Variants in SECISBP2L observed in about 807,000 individuals in gnomAD.
The protein encoded by SECISBP2L is selenocysteine insertion sequence-binding protein 2-like.
SECISBP2L carries 43 observed loss-of-function variants against 114.7 expected under a neutral mutation model. That is an observed-to-expected ratio of 0.38 (90% CI 0.29 to 0.48). SECISBP2L has a LOEUF of 0.48. SECISBP2L is among the 20% of genes least tolerant of loss of function. The probability of loss-of-function intolerance (pLI) is 0.98; values close to 1 mark genes in which losing one functional copy is unlikely to be tolerated. For synonymous variants in SECISBP2L, 451 were observed against 439.7 expected (o/e 1.03, Z -0.32); for missense variants, 1,136 against 1,301.1 (o/e 0.87, Z 1.95).
chr15:49,045,532 T>A (rs1471570508), intron 1 of SECISBP2L, among the ~76,000 whole-genome samples: 2 of 152,202 alleles, frequency 1.3e-5, no homozygotes, highest in South Asian at 2.1e-4. Flanking sequence ...CTTTTAACAC[T>A]GTTATCATCC....
chr15:49,021,021 C>T (rs578157968), intron 7 of SECISBP2L, among the ~76,000 whole-genome samples: 104 of 152,164 alleles, frequency 6.8e-4, no homozygotes, highest in African/African-American at 2.2e-3. Context: ...AATCCCAATA[C>T]GCCCTCCGCC....
rs376474360 is a variant in SECISBP2L at position 49,001,146 on chromosome 15, A to G, written c.2028-49T>C. ...TAACTCCATCCTAATTTTTTTCCCT[A>G]TAGTTATAAAACTGCATTAAGAAAA... On this transcript the variant is annotated intron_variant, in intron 14 of 17. Transcript: ENST00000559471. The G allele has an allele frequency of 7.4e-4, 932 of 1,262,120 alleles. 1 individual carries two copies. The highest frequency in any genetic ancestry group is 9.7e-4 in the Non-Finnish European group (877 of 906,130). The allele number at this position is 1,262,120 out of a possible 1,614,324, so 78.2% of individuals were successfully genotyped here.
intron 14 of SECISBP2L, 84 bp from the exon 15 acceptor site, chr15:49,001,181 G>A (rs2141062265): frequency 1.2e-6 from 1 of 830,758 alleles, no homozygotes; most frequent in Non-Finnish European, 1.8e-6. Flanking sequence ...ATATCTCTAA[G>A]AGAAAATATA....
intron 14 of SECISBP2L, among the ~76,000 whole-genome samples, chr15:49,001,395 A>T (rs1902205391): frequency 6.6e-6 from 1 of 152,084 alleles, no homozygotes; most frequent in Non-Finnish European, 1.5e-5. Flanking sequence ...AAAAAGGCAC[A>T]TACTAAACAC....
intron 4 of SECISBP2L, among the ~76,000 whole-genome samples, chr15:49,031,117 C>T (rs1217989038): frequency 7.5e-6 from 1 of 133,338 alleles, no homozygotes; most frequent in Non-Finnish European, 1.5e-5. Flanking sequence ...GATGTGATCT[C>T]GGCTCACTGC....
At chr15:49,033,238 A>G in intron 3 of SECISBP2L, 138 bp from the exon 4 acceptor site, 1 of 1,008,738 alleles carries the variant, frequency 9.9e-7, no homozygotes, top group East Asian at 2.6e-5. Flanking sequence ...TTCCATGGGG[A>G]AATAGTACTA....
rs2141092630 is a variant in SECISBP2L, at chr15:49,046,427, A to G, written c.-128T>C. On this transcript the variant is annotated 5_prime_UTR_variant, in exon 1 of 18. Coordinates refer to ENST00000559471, the MANE Select transcript of SECISBP2L (RefSeq NM_001193489.2). ...CCGCCCCTATCTGGCTGGCCGCGAC[A>G]CCGATTCGGCTACGCCACTGGCCGA... The G allele has an allele frequency of 1.9e-6, 2 of 1,054,026 alleles. No homozygotes were observed. The highest frequency in any genetic ancestry group is 4.1e-5 in the South Asian group (2 of 49,008). 65.3% of individuals were successfully genotyped at this position (1,054,026 alleles called of 1,614,324 possible).
At chr15:49,010,639 T>C (rs1044363735) in intron 13 of SECISBP2L, among the ~76,000 whole-genome samples, 2 of 152,120 alleles carry the variant, frequency 1.3e-5, no homozygotes, top group Admixed American at 1.3e-4. Context: ...GTCCCCCAAG[T>C]AGCTTGGACT....
chr15:49,037,015 A>T (rs980468608), intron 2 of SECISBP2L, among the ~76,000 whole-genome samples: 1 of 152,224 alleles, frequency 6.6e-6, no homozygotes, highest in African/African-American at 2.4e-5. Flanking sequence ...TCACTCAGAC[A>T]GTATAAGCAG....
intron 17 of SECISBP2L, among the ~76,000 whole-genome samples, chr15:48,994,792 A>T (rs539407993): frequency 1.0e-4 from 14 of 135,000 alleles, no homozygotes; most frequent in African/African-American, 4.1e-4. Context: ...CCTCACTTCC[A>T]CTCCAGCTCA....
intron 4 of SECISBP2L, among the ~76,000 whole-genome samples, chr15:49,031,342 C>T (rs1360510263): frequency 6.6e-6 from 1 of 152,170 alleles, no homozygotes; most frequent in Non-Finnish European, 1.5e-5. Context: ...AGCCACGGCG[C>T]TCAGCCTATT....
At chr15:49,029,092 G>A (rs1902829082) in intron 4 of SECISBP2L, among the ~76,000 whole-genome samples, 2 of 152,246 alleles carry the variant, frequency 1.3e-5, no homozygotes, top group South Asian at 2.1e-4. Flanking sequence ...GAGCTCAAGC[G>A]ATCCACCCGA....
chr15:49,037,964 A>G (rs1903047248), intron 1 of SECISBP2L, among the ~76,000 whole-genome samples, 195 bp from the exon 2 acceptor site: 1 of 152,230 alleles, frequency 6.6e-6, no homozygotes, highest in African/African-American at 2.4e-5. Flanking sequence ...AGACAAAGCC[A>G]TCAAATAAGG....
Position 48,992,367 on chromosome 15 carries a change from T to G in SECISBP2L, c.3183A>C (p.Pro1061=). 2 of 1,614,212 alleles carry G rather than the reference T, an allele frequency of 1.2e-6. No individual in the cohort carries two copies. The highest frequency in any genetic ancestry group is 1.7e-6 in the Non-Finnish European group (2 of 1,180,038). Residue 1061 remains proline, a synonymous_variant, in exon 18 of 18, where the codon CCA becomes CCC. Transcript: ENST00000559471. ...CAGTCCATGCCTCACTGTCCATCCC[T>G]GGCTCCAGCACCTCAGGCGCCTCTG... ...EEAEAPEVLE[P]GMDSEAWTAD... is the part of the protein sequence containing the mutation.
Position 49,000,959 on chromosome 15 carries a change from T to A in SECISBP2L, c.2166A>T (p.Leu722=), listed in dbSNP as rs577435147. 6.2e-7 allele frequency: 1 copy of A among 1,613,928 alleles called. No individual in the cohort carries two copies. Among genetic ancestry groups the A allele is most frequent in the Non-Finnish European group, 8.5e-7 (1 of 1,179,888 alleles). ...ACTTCATATGTTTGGTAACTTCTCTTAGACCCATAACGAGTCGTCTCCTTG... is the reference window on the plus strand; with the variant it reads ...ACTTCATATGTTTGGTAACTTCTCTAAGACCCATAACGAGTCGTCTCCTTG... ...AKARRRLVMG[L]REVTKHMKLN... Residue 722 remains leucine (L), a synonymous_variant, in exon 15 of 18, where the codon CTA becomes CTT. Transcript: ENST00000559471.
chr15:48,992,749 C>T lies in SECISBP2L; in HGVS notation c.2801G>A (p.Ser934Asn). 6.2e-7 allele frequency: 1 copy of T among 1,614,198 alleles called. No individual in the cohort carries two copies. The highest frequency in any genetic ancestry group is 8.5e-7 in the Non-Finnish European group (1 of 1,180,040). ...ATCACTTGCTGTGGATTTCCCAGCA[C>T]TTGTAGCTGAGGTAGTACTGCCTGT... ...VATGSTTSAT[S>N]AGKSTASDKE... Residue 934 changes from serine (S) to asparagine (N), a missense_variant, in exon 18 of 18, where the codon AGT (serine) becomes AAT (asparagine). By Grantham distance (46) the Ser-to-Asn change is conservative. Transcript: ENST00000559471.
intron 7 of SECISBP2L, among the ~76,000 whole-genome samples, chr15:49,026,208 C>T (rs1031827029): frequency 1.3e-5 from 2 of 151,988 alleles, no homozygotes; most frequent in South Asian, 4.2e-4. Flanking sequence ...ATAATGGTTA[C>T]CAGAGGCTGG....
Position 49,005,560 on chromosome 15 carries a change from C to CTT in SECISBP2L, c.2027+3654_2027+3655dup, listed in dbSNP as rs752466722. On this transcript the variant is annotated intron_variant, in intron 14 of 17. Transcript: ENST00000559471. Reference sequence around the variant, plus strand: ...TCAGAGACTAGAATTGCAACCCCTGCTTTTTTTTTTTTTTTTTTTTTTTTT... The same window carrying CTT: ...TCAGAGACTAGAATTGCAACCCCTGCTTTTTTTTTTTTTTTTTTTTTTTTTTT... Among the ~76,000 whole-genome samples the CTT allele has an allele frequency of 1.8e-3, 67 of 36,760 alleles. 4 individuals carry two copies. The highest frequency in any genetic ancestry group is 4.7e-3 in the African/African-American group (37 of 7,838). The allele number at this position is 36,760 out of a possible 152,430, so 24.1% of individuals were successfully genotyped here.
At chr15:49,035,913 TTGTC>T (rs1434137161) in intron 2 of SECISBP2L, among the ~76,000 whole-genome samples, 2 of 152,192 alleles carry the variant, frequency 1.3e-5, no homozygotes, top group African/African-American at 2.4e-5. Flanking sequence ...CATACCAGCA[TTGTC>T]TGTAACTCTG....
Sources: gnomAD v4.1 joint callset for allele counts (sites outside exome capture counted in the v4.1 genomes callset) on GRCh38, gnomAD v4.1.1 for gene constraint, MANE v1.5 for transcripts, NCBI Gene and HGNC (gene_info 2026-07-23, HGNC 2026-07-21) for gene names.